PSEN2: variants seen among roughly 807,000 people sequenced by gnomAD.
PSEN2 encodes presenilin-2.
PSEN2 carries 32 observed loss-of-function variants against 49.1 expected under a neutral mutation model. The observed-to-expected ratio is 0.65, with a 90% CI of 0.49 to 0.88. PSEN2 has a LOEUF of 0.88. Among genes scored for constraint, PSEN2 ranks in the 40% least tolerant of loss-of-function variants. PSEN2 has a pLI of 0.00. For missense variants in PSEN2, 522 were observed against 586.9 expected (o/e 0.89, Z 1.14); for synonymous variants, 255 against 244.0 (o/e 1.05, Z -0.42).
chr1:226,876,912 GT>G (rs1245286181), intron 3 of PSEN2, among the ~76,000 whole-genome samples: 1 of 152,170 alleles, frequency 6.6e-6, no homozygotes, highest in Non-Finnish European at 1.5e-5. Flanking sequence ...AGTGGGCATT[GT>G]TTTGGGCCTT....
chr1:226,875,694 C>T (rs1391400848), intron 3 of PSEN2, 144 bp downstream of exon 3: 1 of 152,108 alleles, frequency 6.6e-6, no homozygotes, highest in Non-Finnish European at 1.5e-5. Context: ...ATGTTAAGGC[C>T]AAAGCCTTTA....
chr1:226,901,456 A>G (rs1040445545), downstream of PSEN2, among the ~76,000 whole-genome samples: 5 of 146,358 alleles, frequency 3.4e-5, no homozygotes, highest in Admixed American at 6.8e-5. Context: ...AAAAAAAAGT[A>G]TGATTTTATA....
chr1:226,892,702 T>A (rs1315723934), intron 11 of PSEN2, among the ~76,000 whole-genome samples: 1 of 152,112 alleles, frequency 6.6e-6, no homozygotes, highest in African/African-American at 2.4e-5. Flanking sequence ...AGGTATTTAT[T>A]CCAAGGCCAA....
chr1:226,879,172 C>T (rs138833114), intron 3 of PSEN2, among the ~76,000 whole-genome samples: 88 of 152,316 alleles, frequency 5.8e-4, no homozygotes, highest in East Asian at 3.1e-3. Flanking sequence ...CCACCATACC[C>T]GGCCCTTCTC....
chr1:226,901,964 C>G (rs1032321914), intron 12 of PSEN2, among the ~76,000 whole-genome samples: 1 of 152,150 alleles, frequency 6.6e-6, no homozygotes, highest in South Asian at 2.1e-4. Context: ...TTTGAAAACT[C>G]AAACCCAGAA....
intron 10 of PSEN2, 36 bp from the exon 11 acceptor site, chr1:226,891,707 G>T (rs776289096): frequency 2.0e-6 from 3 of 1,534,260 alleles, no homozygotes; most frequent in African/African-American, 2.7e-5. Flanking sequence ...CCCTCCTCAC[G>T]GTGATGACGG....
At chr1:226,877,860 T>C (rs909269044) in intron 3 of PSEN2, among the ~76,000 whole-genome samples, 2 of 152,206 alleles carry the variant, frequency 1.3e-5, no homozygotes, top group African/African-American at 4.8e-5. Flanking sequence ...CAGGTCTTGA[T>C]GAGACCGGGC....
chr1:226,887,280 G>C (rs1237389388), intron 6 of PSEN2, among the ~76,000 whole-genome samples: 9 of 152,180 alleles, frequency 5.9e-5, no homozygotes, highest in Admixed American at 5.9e-4. Flanking sequence ...GCAGGTCCCA[G>C]AGGCAGCCCC....
chr1:226,877,104 G>A (rs149910285), intron 3 of PSEN2, among the ~76,000 whole-genome samples: 6 of 152,296 alleles, frequency 3.9e-5, no homozygotes, highest in African/African-American at 7.2e-5. Flanking sequence ...AGGTGGGTGG[G>A]TGAGGGACAC....
At chr1:226,875,101 C>T (rs114815412) in intron 2 of PSEN2, among the ~76,000 whole-genome samples, 2,133 of 152,194 alleles carry the variant, frequency 0.014, 35 homozygotes, top group African/African-American at 0.04. Context: ...CAGGAGGCCC[C>T]ATCAGAGGGC....
rs200943229 is a variant in PSEN2, at chr1:226,895,660, A to T, written c.*81A>T. 6.2e-6 allele frequency: 9 copies of T among 1,461,618 alleles called. No homozygotes were observed. The African/African-American group carries it at 1.3e-4, about 21-fold the overall frequency. 90.5% of individuals were successfully genotyped at this position (1,461,618 alleles called of 1,614,324 possible). A position where few individuals can be genotyped will look rare whatever the true frequency, so the allele number is the denominator to read the frequency against. ...GTATAGTTTTACACTCTAGTGCCAT[A>T]TATTTTTAAGACTTTTCTTTCCTTA... On this transcript the variant is annotated 3_prime_UTR_variant, in exon 13 of 13. Transcript: ENST00000366783.
intron 7 of PSEN2, 37 bp from the exon 8 acceptor site, chr1:226,888,792 C>G (rs1469812866): frequency 1.3e-6 from 2 of 1,573,734 alleles, no homozygotes; most frequent in South Asian, 1.1e-5. Context: ...AATGCCTCCA[C>G]TGAGTCCCAG....
intron 12 of PSEN2, among the ~76,000 whole-genome samples, chr1:226,902,387 G>A (rs1429735787): frequency 6.6e-6 from 1 of 152,092 alleles, no homozygotes; most frequent in Non-Finnish European, 1.5e-5. Flanking sequence ...TGATTTAGAG[G>A]AAGTAAGGGC....
intron 5 of PSEN2, among the ~76,000 whole-genome samples, chr1:226,885,130 A>G (rs1782530): frequency 0.77 from 116,842 of 150,764 alleles, 45,347 homozygotes; most frequent in African/African-American, 0.82. Flanking sequence ...GCTTCAGCGG[A>G]TGGGGGTCGG....
At chr1:226,903,465 A>G (rs1662376461) in intron 12 of PSEN2, 1 of 152,226 alleles carries the variant, frequency 6.6e-6, no homozygotes, top group South Asian at 2.1e-4. Context: ...TAATCGGAAT[A>G]AAATGCTCAT....
Position 226,883,864 on chromosome 1 carries a change from G to A in PSEN2, c.301G>A (p.Val101Met), listed in dbSNP as rs373392465. Reference protein sequence around the residue: ...LFVPVTLCMIVVVATIKSVRF... With the variant: ...LFVPVTLCMIMVVATIKSVRF... ...TGTGCCTGTCACTCTGTGCATGATC[G>A]TGGTGGTAGCCACCATCAAGTCTGT... Residue 101 changes from valine (V) to methionine (M), a missense_variant, in exon 5 of 13, where the codon GTG becomes ATG. Val to Met is a conservative substitution (Grantham distance 21). Transcript: ENST00000366783. The A allele has an allele frequency of 5.6e-6, 9 of 1,613,734 alleles. No homozygotes were observed. Among genetic ancestry groups the A allele is most frequent in the African/African-American group, 2.7e-5 (2 of 74,824 alleles).
intron 6 of PSEN2, among the ~76,000 whole-genome samples, chr1:226,887,726 A>G (rs1052849172): frequency 5.3e-5 from 8 of 152,208 alleles, no homozygotes; most frequent in Non-Finnish European, 8.8e-5. Context: ...TCACACTGGA[A>G]CACAATGCCC....
intron 3 of PSEN2, among the ~76,000 whole-genome samples, chr1:226,878,534 A>G (rs980175108): frequency 1.3e-5 from 2 of 152,094 alleles, no homozygotes; most frequent in Non-Finnish European, 2.9e-5. Context: ...GTGCATTGCT[A>G]TTTGGGAGCC....
intron 6 of PSEN2, 142 bp from the exon 7 acceptor site, chr1:226,887,948 TG>T: frequency 1.4e-6 from 1 of 739,280 alleles, no homozygotes; most frequent in Non-Finnish European, 2.5e-6. Flanking sequence ...ATCTGTAAGG[TG>T]GCCACCTGAT....
Sources: gnomAD v4.1 joint callset for allele counts (sites outside exome capture counted in the v4.1 genomes callset) on GRCh38, gnomAD v4.1.1 for gene constraint, MANE v1.5 for transcripts, NCBI Gene and HGNC (gene_info 2026-07-23, HGNC 2026-07-21) for gene names.